Variants in ZNF708 observed in about 807,000 individuals in gnomAD.
ZNF708 encodes ZNF15, ZNF15L1.
Under a neutral mutation model 47.0 loss-of-function variants are expected in ZNF708, and 44 were observed. That is an observed-to-expected ratio of 0.94 (90% CI 0.74 to 1.20). The LOEUF (loss-of-function observed/expected upper bound fraction) is 1.20, where lower values mean the gene tolerates loss of function less well. Among genes scored for constraint, ZNF708 ranks in the 50% most tolerant of loss-of-function variants. ZNF708 has a pLI of 0.00. For synonymous variants in ZNF708, 184 were observed against 218.5 expected (o/e 0.84, Z 1.39); for missense variants, 557 against 656.0 (o/e 0.85, Z 1.65).
chr19:21,322,084 C>A (rs1187368145), intron 1 of ZNF708, among the ~76,000 whole-genome samples: 2 of 151,998 alleles, frequency 1.3e-5, no homozygotes, highest in Non-Finnish European at 2.9e-5. Flanking sequence ...TGCGGATATG[C>A]CAGGAGACTT....
intron 3 of ZNF708, among the ~76,000 whole-genome samples, chr19:21,297,271 T>TATATATATATATATATATATATATA (rs1491214834): frequency 5.9e-5 from 1 of 17,000 alleles, no homozygotes; most frequent in Non-Finnish European, 1.0e-4. Context: ...TATATATATA[T>TATATATATATATATATATATATATA]TTTTTTTTTT....
intron 1 of ZNF708, among the ~76,000 whole-genome samples, chr19:21,322,225 G>C (rs7260369): frequency 0.56 from 84,885 of 151,868 alleles, 24,005 homozygotes; most frequent in Middle Eastern, 0.68. Context: ...GTTTGTGAGT[G>C]GCTGGGAATC....
intron 1 of ZNF708, among the ~76,000 whole-genome samples, chr19:21,325,094 C>T (rs1218983751): frequency 6.6e-6 from 1 of 152,034 alleles, no homozygotes; most frequent in Non-Finnish European, 1.5e-5. Context: ...GGAAACAAAT[C>T]CCACGCTCAT....
At chr19:21,318,146 C>A (rs889483070) in intron 1 of ZNF708, 4 of 152,192 alleles carry the variant, frequency 2.6e-5, no homozygotes. Context: ...AGTACCTCAT[C>A]AGAGACTGAA....
At chr19:21,309,185 G>A (rs951293139) in intron 3 of ZNF708, 61 bp downstream of exon 3, 2 of 1,428,582 alleles carry the variant, frequency 1.4e-6, no homozygotes, top group Admixed American at 2.3e-5. Flanking sequence ...TTAAGGACTG[G>A]TTTTCTCTTT....
At position 21,329,343 on chromosome 19, in the gene ZNF708, T is replaced by G; in HGVS notation, c.-131A>C. 1 of 1,433,508 alleles carries G rather than the reference T, an allele frequency of 7.0e-7. No individual in the cohort carries two copies. The highest frequency in any genetic ancestry group is 2.5e-5 in the East Asian group (1 of 40,580). 88.8% of individuals were successfully genotyped at this position (1,433,508 alleles called of 1,614,324 possible). ...GTGAAGACGAGACCGGAGCTCCGGC[T>G]GCAGCAAGAGACAAAGGCCGCGCCA... is the stretch of plus-strand genomic sequence containing the variant. On this transcript the variant is annotated 5_prime_UTR_variant, in exon 1 of 4. Coordinates refer to ENST00000356929, the MANE Select transcript of ZNF708 (RefSeq NM_021269.3).
chr19:21,291,410 A>C lies in ZNF708; in HGVS notation c.*1864T>G, dbSNP rs1043675483. ...AAAGAAAAGGTCATAAATAATGCCC[A>C]CCTAAAAAAAAAGAAACTCTCCTAT... On this transcript the variant is annotated 3_prime_UTR_variant, in exon 4 of 4. Transcript: ENST00000356929. The C allele has an allele frequency of 2.0e-5, 3 of 152,018 alleles. No homozygotes were observed. The highest frequency in any genetic ancestry group is 7.3e-5 in the African/African-American group (3 of 41,376). The allele number at this position is 152,018 out of a possible 1,614,324, so 9.4% of individuals were successfully genotyped here.
intron 1 of ZNF708, among the ~76,000 whole-genome samples, chr19:21,328,734 A>G (rs1038042162): frequency 1.3e-5 from 2 of 152,240 alleles, no homozygotes; most frequent in African/African-American, 4.8e-5. Flanking sequence ...CACAAACTAC[A>G]AAACATACTT....
chr19:21,303,872 C>A (rs1277241324), intron 3 of ZNF708, among the ~76,000 whole-genome samples: 3 of 151,926 alleles, frequency 2.0e-5, no homozygotes, highest in African/African-American at 7.2e-5. Flanking sequence ...ACTATTATAT[C>A]TCTCTCTATA....
intron 1 of ZNF708, among the ~76,000 whole-genome samples, chr19:21,322,639 C>T (rs1464569699): frequency 5.9e-5 from 9 of 152,188 alleles, no homozygotes; most frequent in Non-Finnish European, 1.0e-4. Context: ...TCCTCTCTCA[C>T]CCTGGGAGAA....
chr19:21,292,874 G>T lies in ZNF708; in HGVS notation c.*400C>A. The T allele has an allele frequency of 2.3e-5, 4 of 177,712 alleles. No individual in the cohort carries two copies. In the Admixed American group the frequency reaches 2.3e-4, roughly 10 times the overall value. The allele number at this position is 177,712 out of a possible 1,614,324, so 11.0% of individuals were successfully genotyped here. The stretch of plus-strand genomic sequence containing the variant: ...TGCCACATTCTTCACACTTGTAAGA[G>T]TTTTTCTAGTAAGAATTATCTTACC... On this transcript the variant is annotated 3_prime_UTR_variant, in exon 4 of 4. Transcript: ENST00000356929.
chr19:21,296,974 T>C (rs1173411019), intron 3 of ZNF708, among the ~76,000 whole-genome samples: 1 of 150,390 alleles, frequency 6.6e-6, no homozygotes, highest in Non-Finnish European at 1.5e-5. Flanking sequence ...CTCAACTAAA[T>C]ATATAAAAAT....
intron 3 of ZNF708, among the ~76,000 whole-genome samples, chr19:21,298,609 T>A (rs923691480): frequency 4.6e-5 from 7 of 152,112 alleles, no homozygotes; most frequent in South Asian, 4.1e-4. Context: ...AGGAACAATG[T>A]TAGAGGTATC....
In ZNF708 at chr19:21,313,667, A is replaced by G. The variant is rs1405922365; in HGVS notation, c.4-3040T>C. Among the ~76,000 whole-genome samples, 4 of 151,430 alleles carry G rather than the reference A, an allele frequency of 2.6e-5. No homozygotes were observed. The East Asian group carries it at 7.8e-4, about 30-fold the overall frequency. On this transcript the variant is annotated intron_variant, in intron 1 of 3. Coordinates refer to ENST00000356929, the MANE Select transcript of ZNF708 (RefSeq NM_021269.3). Reference sequence around the variant, plus strand: ...CAGATACTCAGGAGGTTGAGGCAGGAGAATTGTTTGAACCCGGGAGGTGGA... The same window carrying G: ...CAGATACTCAGGAGGTTGAGGCAGGGGAATTGTTTGAACCCGGGAGGTGGA...
At chr19:21,324,090 A>AG (rs1973208543) in intron 1 of ZNF708, among the ~76,000 whole-genome samples, 1 of 151,022 alleles carries the variant, frequency 6.6e-6, no homozygotes, top group Non-Finnish European at 1.5e-5. Flanking sequence ...ATACAAAAAA[A>AG]AAAATTAGTC....
chr19:21,294,458 A>G lies in ZNF708; in HGVS notation c.508T>C (p.Cys170Arg), dbSNP rs1388916666. Residue 170 changes from cysteine (C) to arginine (R), a missense_variant, in exon 4 of 4, where the codon TGT becomes CGT. Transcript: ENST00000356929. ...IRHTGKNPFK[C>R]KECGKSFCML... ...CAAAATGATTTGCCACATTCTTTAC[A>G]TTTGAAAGGATTTTTTCCAGTATGT... The G allele has an allele frequency of 3.1e-6, 5 of 1,614,164 alleles. No individual in the cohort carries two copies. Among genetic ancestry groups the G allele is most frequent in the Non-Finnish European group, 4.2e-6 (5 of 1,179,998 alleles).
At chr19:21,320,173 C>CA (rs34182229) in intron 1 of ZNF708, among the ~76,000 whole-genome samples, 26,408 of 151,128 alleles carry the variant, frequency 0.17, 2,517 homozygotes, top group Non-Finnish European at 0.21. Flanking sequence ...AAGACTCAGT[C>CA]AAAAAAAAGC....
chr19:21,316,868 C>A (rs1451742489), intron 1 of ZNF708, among the ~76,000 whole-genome samples: 1 of 151,554 alleles, frequency 6.6e-6, no homozygotes, highest in African/African-American at 2.4e-5. Flanking sequence ...CTCACTGCAA[C>A]CTCTGCCTCC....
In ZNF708 at chr19:21,293,323, G is replaced by A. The variant is rs1431479309; in HGVS notation, c.1643C>T (p.Thr548Ile). 1.2e-6 allele frequency: 2 copies of A among 1,612,290 alleles called. No individual in the cohort carries two copies. Among genetic ancestry groups the A allele is most frequent in the Admixed American group, 1.7e-5 (1 of 59,832 alleles). ...TTTGGTATGAATTCTCTTATGTTTAGTAAGGTTTGGGGACTGGTTAAAGGC... is the reference window on the plus strand; with the variant it reads ...TTTGGTATGAATTCTCTTATGTTTAATAAGGTTTGGGGACTGGTTAAAGGC... Reference protein sequence around the residue: ...GKAFNQSPNLTKHKRIHTKEK... With the variant: ...GKAFNQSPNLIKHKRIHTKEK... Residue 548 changes from threonine to isoleucine, a missense_variant, in exon 4 of 4, where the codon ACT becomes ATT. Transcript: ENST00000356929.
Sources: allele counts gnomAD v4.1 joint callset (sites outside exome capture counted in the v4.1 genomes callset), GRCh38; gene constraint gnomAD v4.1.1; transcripts MANE v1.5; gene names NCBI Gene and HGNC (gene_info 2026-07-23, HGNC 2026-07-21).